The following DDR2 variants were observed in gnomAD, a reference collection of about 807,000 sequenced individuals.
The protein encoded by DDR2 is discoidin domain receptor tyrosine kinase 2.
A neutral mutation model predicts 94.9 loss-of-function variants in DDR2; 27 were observed. The observed-to-expected ratio is 0.28, with a 90% CI of 0.21 to 0.39. DDR2 has a LOEUF of 0.39. Among genes scored for constraint, DDR2 ranks in the 10% least tolerant of loss-of-function variants. The pLI is 1.00. For missense variants in DDR2, 783 were observed against 1,076.0 expected, an observed-to-expected ratio of 0.73 and a Z score of 3.81; for synonymous variants, 382 against 377.2, an observed-to-expected ratio of 1.01 and a Z score of -0.15.
chr1:162,653,832 C>T (rs568780794), intron 1 of DDR2, among the ~76,000 whole-genome samples: 8 of 152,220 alleles, frequency 5.3e-5, no homozygotes, highest in Non-Finnish European at 1.5e-5. Context: ...CAGCTGCATA[C>T]CTTGTTAGGA....
Position 162,755,307 on chromosome 1 carries a change from G to A in DDR2, c.565+4G>A, listed in dbSNP as rs747001721. Reference sequence around the variant, plus strand: ...CTTTACGGCTGTGTCTGGCTAGGTAGGTCACTAGCCCAGGAAGCCTATAGA... The same window carrying A: ...CTTTACGGCTGTGTCTGGCTAGGTAAGTCACTAGCCCAGGAAGCCTATAGA... On this transcript the variant is annotated splice_donor_region_variant and intron_variant, in intron 6 of 17. Transcript: ENST00000367921. The A allele has an allele frequency of 2.5e-6, 4 of 1,613,654 alleles. No homozygotes were observed. In the South Asian group the frequency reaches 4.4e-5, roughly 18 times the overall value.
intron 2 of DDR2, among the ~76,000 whole-genome samples, chr1:162,697,161 T>C (rs1660231399): frequency 6.6e-6 from 1 of 152,144 alleles, no homozygotes; most frequent in South Asian, 2.1e-4. Context: ...GTTAATCTTT[T>C]TATTGAACTT....
At chr1:162,712,859 A>T (rs1660981973) in intron 2 of DDR2, among the ~76,000 whole-genome samples, 1 of 152,138 alleles carries the variant, frequency 6.6e-6, no homozygotes, top group South Asian at 2.1e-4. Context: ...TGACCCAAGC[A>T]AGTCAAAATT....
chr1:162,693,675 C>T (rs556146172), intron 2 of DDR2, among the ~76,000 whole-genome samples: 1 of 152,244 alleles, frequency 6.6e-6, no homozygotes, highest in Non-Finnish European at 1.5e-5. Flanking sequence ...AGGGTTTGGG[C>T]ACTGACTAGG....
intron 2 of DDR2, among the ~76,000 whole-genome samples, chr1:162,663,379 A>C (rs905064169): frequency 1.3e-5 from 2 of 152,166 alleles, no homozygotes; most frequent in Non-Finnish European, 2.9e-5. Context: ...CCCCTTAAAA[A>C]ACCTATAGAG....
rs115338084 is a variant in DDR2 at position 162,677,729 on chromosome 1, A to G, written c.-28+22355A>G. Among the ~76,000 whole-genome samples, 1,005 of 152,314 alleles carry G rather than the reference A, an allele frequency of 6.6e-3. 10 individuals are homozygous for G. Among genetic ancestry groups the G allele is most frequent in the African/African-American group, 0.023 (960 of 41,572 alleles). On this transcript the variant is annotated intron_variant, in intron 2 of 17. Transcript: ENST00000367921. Reference sequence around the variant, plus strand: ...GGGAACCAGGCAGAAACAAGTGAAAATGTGGAGGAGGTGTTTATGAATTTT... The same window carrying G: ...GGGAACCAGGCAGAAACAAGTGAAAGTGTGGAGGAGGTGTTTATGAATTTT...
At chr1:162,712,472 A>G (rs1386396481) in intron 2 of DDR2, among the ~76,000 whole-genome samples, 2 of 151,896 alleles carry the variant, frequency 1.3e-5, no homozygotes, top group East Asian at 1.9e-4. Flanking sequence ...GCTAATTTCT[A>G]GTTGTGGCTG....
chr1:162,774,588 T>TAG (rs1228476146), intron 14 of DDR2, among the ~76,000 whole-genome samples: 9 of 152,174 alleles, frequency 5.9e-5, no homozygotes, highest in African/African-American at 2.2e-4. Context: ...CTGGGTCTTA[T>TAG]AGAGAGACGA....
At chr1:162,756,889 G>T (rs1663489723) in intron 7 of DDR2, among the ~76,000 whole-genome samples, 1 of 152,134 alleles carries the variant, frequency 6.6e-6, no homozygotes, top group African/African-American at 2.4e-5. Context: ...GAGATCAACC[G>T]AATTCAGTTT....
At chr1:162,656,221 G>A (rs553730420) in intron 2 of DDR2, among the ~76,000 whole-genome samples, 1 of 152,258 alleles carries the variant, frequency 6.6e-6, no homozygotes, top group South Asian at 2.1e-4. Context: ...CTAGCACAGG[G>A]TCTGACACAT....
rs2102206250 is a variant in DDR2, at chr1:162,778,619, G to A, written c.2323G>A (p.Val775Ile). 6.2e-7 allele frequency: 1 copy of A among 1,614,022 alleles called. No individual in the cohort carries two copies. The highest frequency in any genetic ancestry group is 8.5e-7 in the Non-Finnish European group (1 of 1,179,942). ...TTASDVWAFGVTLWETFTFCQ... is the reference protein window; with the variant it reads ...TTASDVWAFGITLWETFTFCQ... ...AGCAAGTGATGTGTGGGCCTTTGGG[G>A]TTACTTTGTGGGAGACTTTCACCTT... The change falls in exon 17 of 18, where the codon GTT becomes ATT. Residue 775 changes from valine (V) to isoleucine (I), a missense_variant. By Grantham distance (29) the Val-to-Ile change is conservative. This residue lies in a region of DDR2 where 264 missense variants were observed against 428.2 expected (regional missense o/e 0.62). Coordinates refer to ENST00000367921, the MANE Select transcript of DDR2 (RefSeq NM_006182.4).
At chr1:162,644,070 A>AG (rs1412925316) in intron 1 of DDR2, among the ~76,000 whole-genome samples, 38 of 152,334 alleles carry the variant, frequency 2.5e-4, no homozygotes, top group African/African-American at 7.7e-4. Context: ...TTAGGACTCT[A>AG]GTAGGGACAC....
chr1:162,766,589 A>T (rs997407915), intron 10 of DDR2, among the ~76,000 whole-genome samples: 1 of 152,186 alleles, frequency 6.6e-6, no homozygotes, highest in Non-Finnish European at 1.5e-5. Context: ...CCTGTTTTTC[A>T]TGAGGTGTGA....
intron 3 of DDR2, chr1:162,741,599 A>C (rs543217537): frequency 1.0e-6 from 1 of 985,264 alleles, no homozygotes; most frequent in South Asian, 4.7e-5. Flanking sequence ...GCAATCAGGG[A>C]CACTATGACA....
At chr1:162,743,904 T>C (rs1020705199) in intron 3 of DDR2, among the ~76,000 whole-genome samples, 7 of 152,264 alleles carry the variant, frequency 4.6e-5, no homozygotes, top group African/African-American at 1.7e-4. Context: ...CTGATCTCTT[T>C]CTGTCACTAT....
intron 2 of DDR2, among the ~76,000 whole-genome samples, chr1:162,664,972 T>G (rs1320511121): frequency 3.9e-5 from 6 of 152,256 alleles, no homozygotes; most frequent in Admixed American, 3.9e-4. Context: ...GTAAGTTTGC[T>G]ATTTGAGCTC....
intron 2 of DDR2, among the ~76,000 whole-genome samples, chr1:162,707,077 G>T: frequency 6.6e-6 from 1 of 152,108 alleles, no homozygotes; most frequent in East Asian, 1.9e-4. Context: ...AGGCTTTCAG[G>T]CTCTGGGATT....
At position 162,773,628 on chromosome 1, in the gene DDR2, G is replaced by T. The variant is rs1355287; in HGVS notation, c.1856+32G>T. The T allele has an allele frequency of 1, 1,611,704 of 1,612,978 alleles. 805,221 individuals carry two copies. The highest frequency in any genetic ancestry group is 1 in the East Asian group (44,848 of 44,848). Reference sequence around the variant, plus strand: ...GGTCTACATTTTGAATTTTCCTTTAGGTATTTCATCTTTAGGACCAGGAAT... The same window carrying T: ...GGTCTACATTTTGAATTTTCCTTTATGTATTTCATCTTTAGGACCAGGAAT... On this transcript the variant is annotated intron_variant, in intron 14 of 17. Coordinates refer to ENST00000367921, the MANE Select transcript of DDR2 (RefSeq NM_006182.4).
In DDR2 at chr1:162,782,153, A is replaced by G. The variant is rs1320110791; in HGVS notation, c.*1907A>G. 4.6e-5 allele frequency: 7 copies of G among 152,188 alleles called. No individual in the cohort carries two copies. The highest frequency in any genetic ancestry group is 1.4e-4 in the African/African-American group (6 of 41,450). The allele number at this position is 152,188 out of a possible 1,614,324, so 9.4% of individuals were successfully genotyped here. A position where few individuals can be genotyped will look rare whatever the true frequency, so the allele number is the denominator to read the frequency against. On this transcript the variant is annotated 3_prime_UTR_variant, in exon 18 of 18. Transcript: ENST00000367921. ...AGAGAGCATTGGTTTGGGAGCTTTA[A>G]TCCTCTTTCTGCTTCACACTAAGTG...
Sources: allele counts gnomAD v4.1 joint callset (sites outside exome capture counted in the v4.1 genomes callset), GRCh38; gene constraint gnomAD v4.1.1; regional missense constraint gnomAD v4.1.1; transcripts MANE v1.5; gene names NCBI Gene and HGNC (gene_info 2026-07-23, HGNC 2026-07-21).